Variants in DLG2 observed in about 807,000 individuals in gnomAD.
DLG2 encodes the protein discs large MAGUK scaffold protein 2.
DLG2 carries 45 observed loss-of-function variants against 132.5 expected under a neutral mutation model. The observed-to-expected ratio is 0.34, with a 90% CI of 0.27 to 0.44. The LOEUF (loss-of-function observed/expected upper bound fraction) is 0.44. Ranked by LOEUF, DLG2 falls within the 20% of genes least tolerant of loss-of-function variation. DLG2 has a pLI of 1.00. For synonymous variants in DLG2, 424 were observed against 419.6 expected, an observed-to-expected ratio of 1.01 and a Z score of -0.13; for missense variants, 1,045 against 1,196.9, an observed-to-expected ratio of 0.87 and a Z score of 1.87.
intron 17 of DLG2, among the ~76,000 whole-genome samples, chr11:83,788,925 T>C (rs562731075): frequency 6.6e-6 from 1 of 152,362 alleles, no homozygotes; most frequent in South Asian, 2.1e-4. Flanking sequence ...AATTTGTACC[T>C]GAGTTTAATG....
At chr11:84,648,408 G>A (rs1033081098) in intron 6 of DLG2, among the ~76,000 whole-genome samples, 3 of 152,208 alleles carry the variant, frequency 2.0e-5, no homozygotes, top group African/African-American at 7.2e-5. Context: ...AGAGATGCAA[G>A]TAGATAAAAT....
At chr11:84,906,175 C>T (rs1161930899) in intron 6 of DLG2, among the ~76,000 whole-genome samples, 1 of 150,016 alleles carries the variant, frequency 6.7e-6, no homozygotes, top group South Asian at 2.1e-4. Context: ...GAGTTAAGTT[C>T]CCTTTTTTCC....
In DLG2 at chr11:83,902,994, G is replaced by C. The variant is rs2073876570; in HGVS notation, c.1496+27334C>G. 2.0e-5 allele frequency among the ~76,000 whole-genome samples: 3 copies of C among 152,044 alleles called. No homozygotes were observed. The South Asian group carries it at 6.2e-4, about 32-fold the overall frequency. ...CCATTGCCATTGTTCTATGATCATA[G>C]CACCGTCCATACAACAAATCATATC... On this transcript the variant is annotated intron_variant, in intron 15 of 27. Coordinates refer to ENST00000376104, the MANE Select transcript of DLG2 (RefSeq NM_001142699.3).
intron 21 of DLG2, among the ~76,000 whole-genome samples, chr11:83,506,699 T>C (rs570426091): frequency 8.5e-5 from 13 of 152,152 alleles, no homozygotes; most frequent in African/African-American, 1.4e-4. Flanking sequence ...GGGGAAGCTG[T>C]TTCTTCTGGC....
At chr11:85,434,294 C>T (rs1446096512) in intron 3 of DLG2, among the ~76,000 whole-genome samples, 1 of 151,686 alleles carries the variant, frequency 6.6e-6, no homozygotes, top group African/African-American at 2.4e-5. Context: ...AATTCGAAAG[C>T]TAGCAGAAGA....
chr11:85,109,967 A>G (rs1172436998), intron 6 of DLG2, among the ~76,000 whole-genome samples: 1 of 152,060 alleles, frequency 6.6e-6, no homozygotes, highest in African/African-American at 2.4e-5. Flanking sequence ...AAAACTTACT[A>G]AAGAGAAAAA....
At chr11:85,397,857 C>T (rs1428209516) in intron 3 of DLG2, among the ~76,000 whole-genome samples, 2 of 152,022 alleles carry the variant, frequency 1.3e-5, no homozygotes, top group African/African-American at 2.4e-5. Context: ...CTGTCAATAA[C>T]AGACAGATCA....
intron 21 of DLG2, among the ~76,000 whole-genome samples, chr11:83,518,126 C>G (rs1360615712): frequency 6.6e-6 from 1 of 152,232 alleles, no homozygotes; most frequent in African/African-American, 2.4e-5. Context: ...GAGGTGGAGT[C>G]TACAGAGGCA....
chr11:84,149,963 G>T (rs989302711), intron 9 of DLG2, among the ~76,000 whole-genome samples: 1 of 152,008 alleles, frequency 6.6e-6, no homozygotes, highest in Non-Finnish European at 1.5e-5. Flanking sequence ...TCACTATATT[G>T]GTCAGGCTGG....
In DLG2 at chr11:84,448,228, G is replaced by C. The variant is rs577847381; in HGVS notation, c.519+86342C>G. Among the ~76,000 whole-genome samples, 44 of 152,036 alleles carry C rather than the reference G, an allele frequency of 2.9e-4. No homozygotes were observed. In the South Asian group the frequency reaches 3.5e-3, roughly 12 times the overall value. On this transcript the variant is annotated intron_variant, in intron 7 of 27. Coordinates refer to ENST00000376104, the MANE Select transcript of DLG2 (RefSeq NM_001142699.3). ...TGGTATTCTAGCTATCTCAACAACA[G>C]AATTATTTTCATAATTCATGGAGGT... is the stretch of plus-strand genomic sequence containing the variant.
intron 7 of DLG2, among the ~76,000 whole-genome samples, chr11:84,453,095 G>T (rs1479510645): frequency 6.6e-6 from 1 of 151,262 alleles, no homozygotes; most frequent in Non-Finnish European, 1.5e-5. Context: ...TTTAAAAAAA[G>T]AAGTTAGGTT....
At chr11:85,298,529 A>G (rs1377711657) in intron 3 of DLG2, among the ~76,000 whole-genome samples, 2 of 152,096 alleles carry the variant, frequency 1.3e-5, no homozygotes, top group African/African-American at 4.8e-5. Flanking sequence ...AAAAAGAAAA[A>G]AGTAAAAGCT....
At chr11:84,487,962 A>G (rs1329779146) in intron 7 of DLG2, among the ~76,000 whole-genome samples, 9 of 152,186 alleles carry the variant, frequency 5.9e-5, no homozygotes, top group Non-Finnish European at 1.3e-4. Context: ...CAAAGTATTC[A>G]TGGATCAGAG....
intron 21 of DLG2, among the ~76,000 whole-genome samples, chr11:83,513,745 A>G (rs1298877606): frequency 1.3e-5 from 2 of 152,306 alleles, no homozygotes; most frequent in East Asian, 1.9e-4. Context: ...CTTTCTACAT[A>G]TGGCTAGCCA....
intron 7 of DLG2, among the ~76,000 whole-genome samples, chr11:84,422,856 C>G (rs1032567261): frequency 2.6e-5 from 4 of 152,036 alleles, no homozygotes; most frequent in African/African-American, 9.7e-5. Flanking sequence ...CTTAGTAAAG[C>G]TAAAGGTACT....
intron 7 of DLG2, among the ~76,000 whole-genome samples, chr11:84,455,294 C>T (rs1228444905): frequency 6.6e-6 from 1 of 151,358 alleles, no homozygotes; most frequent in African/African-American, 2.4e-5. Flanking sequence ...TTCTGTGTGG[C>T]CTGCATTGCA....
intron 7 of DLG2, among the ~76,000 whole-genome samples, chr11:84,273,467 A>T (rs780321174): frequency 1.3e-5 from 2 of 152,188 alleles, no homozygotes; most frequent in Non-Finnish European, 2.9e-5. Flanking sequence ...AGATGTTTTC[A>T]TCGGGAAGAA....
At chr11:84,533,290 C>A (rs542450757) in intron 7 of DLG2, among the ~76,000 whole-genome samples, 4 of 152,210 alleles carry the variant, frequency 2.6e-5, no homozygotes, top group Non-Finnish European at 5.9e-5. Flanking sequence ...CAGATGACAG[C>A]TCTGGAGGTA....
At chr11:83,514,904 T>C (rs1309894405) in intron 21 of DLG2, among the ~76,000 whole-genome samples, 1 of 152,220 alleles carries the variant, frequency 6.6e-6, no homozygotes, top group African/African-American at 2.4e-5. Flanking sequence ...ATATGCTTTT[T>C]GATGTGCTGC....
Sources: gnomAD v4.1 joint callset for allele counts (sites outside exome capture counted in the v4.1 genomes callset) on GRCh38, gnomAD v4.1.1 for gene constraint, MANE v1.5 for transcripts, NCBI Gene and HGNC (gene_info 2026-07-23, HGNC 2026-07-21) for gene names.